NKAIN2: variants seen among roughly 807,000 people sequenced by gnomAD.
The protein encoded by NKAIN2 is sodium/potassium transporting ATPase interacting 2, also known as sodium/potassium-transporting ATPase subunit beta-1-interacting protein 2.
In NKAIN2, 14 loss-of-function variants were observed where a neutral mutation model predicts 32.6. The ratio of observed to expected loss-of-function variants is 0.43; its 90% CI spans 0.28 to 0.67. NKAIN2 has a LOEUF of 0.67. Among genes scored for constraint, NKAIN2 ranks in the 30% least tolerant of loss-of-function variants. The pLI, the probability that NKAIN2 is intolerant of heterozygous loss-of-function variation, is 0.17. For missense variants in NKAIN2, 198 were observed against 258.3 expected (o/e 0.77, Z 1.60); for synonymous variants, 80 against 87.2 (o/e 0.92, Z 0.46).
chr6:124,581,395 C>T (rs1781515747), intron 3 of NKAIN2, among the ~76,000 whole-genome samples: 2 of 138,476 alleles, frequency 1.4e-5, no homozygotes, highest in Admixed American at 8.0e-5. Context: ...GCCGAGATTG[C>T]GCCACTGCAG....
intron 1 of NKAIN2, among the ~76,000 whole-genome samples, chr6:124,068,863 C>A (rs1783313346): frequency 6.6e-6 from 1 of 151,970 alleles, no homozygotes; most frequent in Non-Finnish European, 1.5e-5. Context: ...CAAGAAGGGG[C>A]CTTCTGAGAG....
At chr6:124,140,603 G>A (rs1006811202) in intron 1 of NKAIN2, among the ~76,000 whole-genome samples, 4 of 152,156 alleles carry the variant, frequency 2.6e-5, no homozygotes, top group Non-Finnish European at 5.9e-5. Flanking sequence ...TAGAGGGCAT[G>A]TAGGGCTAGG....
chr6:124,369,925 T>G (rs1280809883), intron 3 of NKAIN2, among the ~76,000 whole-genome samples: 1 of 140,240 alleles, frequency 7.1e-6, no homozygotes, highest in Admixed American at 7.6e-5. Flanking sequence ...CTGGGACAAT[T>G]GATGCTTTGA....
chr6:124,589,020 A>G (rs569352364), intron 3 of NKAIN2, among the ~76,000 whole-genome samples: 1 of 152,342 alleles, frequency 6.6e-6, no homozygotes, highest in African/African-American at 2.4e-5. Flanking sequence ...TTTATAAGGA[A>G]GTACATAATC....
intron 1 of NKAIN2, among the ~76,000 whole-genome samples, chr6:123,986,787 C>T (rs1224528861): frequency 1.3e-5 from 2 of 152,070 alleles, no homozygotes; most frequent in East Asian, 3.9e-4. Context: ...AGTTGCCTAG[C>T]AGAAAAATCA....
intron 3 of NKAIN2, among the ~76,000 whole-genome samples, chr6:124,450,058 T>G (rs751906004): frequency 2.0e-5 from 3 of 152,118 alleles, no homozygotes; most frequent in Non-Finnish European, 4.4e-5. Flanking sequence ...AAGCTAAATA[T>G]AAATTTCCTT....
chr6:124,133,833 T>TTTTCCCC (rs1786596736), intron 1 of NKAIN2, among the ~76,000 whole-genome samples: 1 of 151,852 alleles, frequency 6.6e-6, no homozygotes, highest in Non-Finnish European at 1.5e-5. Flanking sequence ...TAAAGTCTGA[T>TTTTCCCC]CCTTACGAGG....
chr6:124,582,363 A>C (rs185647292), intron 3 of NKAIN2, among the ~76,000 whole-genome samples: 168 of 152,314 alleles, frequency 1.1e-3, no homozygotes, highest in Middle Eastern at 3.4e-3. Flanking sequence ...AATATTTAGA[A>C]GAAACAGGTT....
At chr6:124,596,037 A>G (rs1322668527) in intron 3 of NKAIN2, among the ~76,000 whole-genome samples, 2 of 152,126 alleles carry the variant, frequency 1.3e-5, no homozygotes, top group African/African-American at 4.8e-5. Context: ...GCTGGACTGG[A>G]TGTTCTCCTT....
chr6:124,346,963 C>G (rs1221294167), intron 2 of NKAIN2, among the ~76,000 whole-genome samples: 1 of 152,196 alleles, frequency 6.6e-6, no homozygotes, highest in Admixed American at 6.5e-5. Context: ...GATTTTGCAG[C>G]AGCTGGTACC....
intron 1 of NKAIN2, among the ~76,000 whole-genome samples, chr6:124,055,992 ACTGT>A: frequency 6.6e-6 from 1 of 152,058 alleles, no homozygotes. Context: ...GAGCAGAATA[ACTGT>A]CTAAGTATAG....
At chr6:124,787,902 G>T (rs1032479513) in intron 4 of NKAIN2, among the ~76,000 whole-genome samples, 12 of 151,896 alleles carry the variant, frequency 7.9e-5, no homozygotes, top group African/African-American at 2.7e-4. Flanking sequence ...TATCTTTCCT[G>T]CTTGATAATC....
At chr6:124,741,943 T>G (rs1236576781) in intron 4 of NKAIN2, among the ~76,000 whole-genome samples, 1 of 151,868 alleles carries the variant, frequency 6.6e-6, no homozygotes, top group African/African-American at 2.4e-5. Flanking sequence ...CTAGGGAAAT[T>G]CATTCTCCCA....
intron 3 of NKAIN2, among the ~76,000 whole-genome samples, chr6:124,485,667 T>A (rs1308691867): frequency 2.0e-5 from 3 of 152,158 alleles, no homozygotes; most frequent in Non-Finnish European, 4.4e-5. Flanking sequence ...ACCCCTCAGA[T>A]GACCTTCTGA....
intron 2 of NKAIN2, among the ~76,000 whole-genome samples, chr6:124,325,306 G>A (rs1043485761): frequency 1.3e-5 from 2 of 151,980 alleles, no homozygotes; most frequent in East Asian, 1.9e-4. Flanking sequence ...TGCTAGTGGG[G>A]ATGTAAAATG....
chr6:124,729,005 C>G (rs1258451742), intron 4 of NKAIN2, among the ~76,000 whole-genome samples: 1 of 149,506 alleles, frequency 6.7e-6, no homozygotes, highest in Non-Finnish European at 1.5e-5. Flanking sequence ...AAGACTAAAC[C>G]AGGAAGAAGT....
Position 124,774,193 on chromosome 6 carries a change from C to T in NKAIN2, c.475-17146C>T, listed in dbSNP as rs559394680. Among the ~76,000 whole-genome samples the T allele has an allele frequency of 5.3e-5, 8 of 152,240 alleles. No individual in the cohort carries two copies. The South Asian group carries it at 1.7e-3, about 32-fold the overall frequency. ...GCAAGTGGGGAGACGAGTTAGGAGG[C>T]TATTGCAGTGATCTAGGTGAAAGAA... On this transcript the variant is annotated intron_variant, in intron 4 of 6. Coordinates refer to ENST00000368417, the MANE Select transcript of NKAIN2 (RefSeq NM_001040214.3).
chr6:124,358,775 A>C lies in NKAIN2; in HGVS notation c.273+3428A>C, dbSNP rs1011969551. Reference sequence around the variant, plus strand: ...TTGCTGTGCAGAAGCTCTTTAGTTTAATTAGATCCCATTTGTCAATTTTGG... The same window carrying C: ...TTGCTGTGCAGAAGCTCTTTAGTTTCATTAGATCCCATTTGTCAATTTTGG... On this transcript the variant is annotated intron_variant, in intron 3 of 6. Coordinates refer to ENST00000368417, the MANE Select transcript of NKAIN2 (RefSeq NM_001040214.3). 7.3e-5 allele frequency among the ~76,000 whole-genome samples: 11 copies of C among 151,340 alleles called. No individual in the cohort carries two copies. The East Asian group carries it at 7.8e-4, about 11-fold the overall frequency.
Position 124,618,197 on chromosome 6 carries a change from G to T in NKAIN2, c.274-39989G>T, listed in dbSNP as rs1173932190. On this transcript the variant is annotated intron_variant, in intron 3 of 6. Coordinates refer to ENST00000368417, the MANE Select transcript of NKAIN2 (RefSeq NM_001040214.3). ...TTACTTGAATAAAGAACAAATTCTG[G>T]CTGGGCGTGGTGGCTCACACCTGTA... 3.3e-5 allele frequency among the ~76,000 whole-genome samples: 5 copies of T among 152,068 alleles called. No homozygotes were observed. In the East Asian group the frequency reaches 9.6e-4, roughly 29 times the overall value.
Sources: allele counts gnomAD v4.1 joint callset (sites outside exome capture counted in the v4.1 genomes callset), GRCh38; gene constraint gnomAD v4.1.1; transcripts MANE v1.5; gene names NCBI Gene and HGNC (gene_info 2026-07-23, HGNC 2026-07-21).